CUL1: variants seen among roughly 807,000 people sequenced by gnomAD.
CUL1 encodes cullin-1.
In CUL1, 24 loss-of-function variants were observed where a neutral mutation model predicts 118.0. That is an observed-to-expected ratio of 0.20 (90% confidence interval 0.15 to 0.29). CUL1 has a LOEUF of 0.29. CUL1 is among the 10% of genes least tolerant of loss of function. The pLI is 1.00. For missense variants in CUL1, 361 were observed against 933.8 expected, an observed-to-expected ratio of 0.39 and a Z score of 7.99; for synonymous variants, 332 against 340.4, an observed-to-expected ratio of 0.98 and a Z score of 0.27.
chr7:148,748,581 A>C (rs903036540), intron 2 of CUL1, among the ~76,000 whole-genome samples: 2 of 152,224 alleles, frequency 1.3e-5, no homozygotes, highest in Non-Finnish European at 2.9e-5. Flanking sequence ...ATTTCACTAA[A>C]AATTTCTTGG....
intron 1 of CUL1, among the ~76,000 whole-genome samples, chr7:148,703,594 G>A (rs369757226): frequency 4.6e-5 from 7 of 151,940 alleles, no homozygotes; most frequent in East Asian, 1.9e-4. Flanking sequence ...GTGCAGTGGC[G>A]TGATCTCGGC....
intron 2 of CUL1, among the ~76,000 whole-genome samples, chr7:148,750,520 A>G (rs113102018): frequency 1.0e-3 from 158 of 152,088 alleles, no homozygotes; most frequent in African/African-American, 3.6e-3. Context: ...TCATTGTTCA[A>G]TTCCCACCTA....
intron 17 of CUL1, among the ~76,000 whole-genome samples, chr7:148,793,019 G>T (rs1349797964): frequency 6.6e-6 from 1 of 152,190 alleles, no homozygotes; most frequent in Non-Finnish European, 1.5e-5. Flanking sequence ...GTTGAGCCAG[G>T]CATGGTGGCA....
intron 9 of CUL1, among the ~76,000 whole-genome samples, chr7:148,769,296 T>C (rs546626015): frequency 1.3e-5 from 2 of 152,238 alleles, no homozygotes; most frequent in East Asian, 1.9e-4. Context: ...CACGTTCTTA[T>C]GAGTACACAT....
intron 1 of CUL1, among the ~76,000 whole-genome samples, chr7:148,709,636 A>G (rs548150234): frequency 9.8e-5 from 15 of 152,380 alleles, no homozygotes; most frequent in African/African-American, 3.4e-4. Context: ...TGTAAATTGT[A>G]TGAAATAAAA....
intron 13 of CUL1, 78 bp from the exon 14 acceptor site, chr7:148,788,479 C>G: frequency 1.1e-6 from 1 of 899,650 alleles, no homozygotes; most frequent in South Asian, 1.5e-5. Context: ...ATTGTATACT[C>G]TGATTTCTCT....
intron 2 of CUL1, among the ~76,000 whole-genome samples, chr7:148,735,699 A>C (rs889665878): frequency 3.3e-5 from 5 of 152,218 alleles, no homozygotes; most frequent in African/African-American, 1.2e-4. Flanking sequence ...CATGGCTTAC[A>C]TCAAATGAAC....
chr7:148,779,973 C>T (rs1800564898), intron 9 of CUL1, among the ~76,000 whole-genome samples: 1 of 152,226 alleles, frequency 6.6e-6, no homozygotes, highest in Non-Finnish European at 1.5e-5. Context: ...TTCTCCTATG[C>T]TGGATGCTTC....
intron 9 of CUL1, among the ~76,000 whole-genome samples, chr7:148,777,863 T>A (rs1800455592): frequency 6.6e-6 from 1 of 151,564 alleles, no homozygotes; most frequent in Non-Finnish European, 1.5e-5. Context: ...GTCAGGAGTT[T>A]GAGACCAGTC....
chr7:148,751,560 CTT>C (rs1313094425), intron 2 of CUL1, among the ~76,000 whole-genome samples: 7 of 146,164 alleles, frequency 4.8e-5, no homozygotes, highest in East Asian at 4.1e-4. Context: ...AAAAACCTCT[CTT>C]GTCACTTTGT....
intron 9 of CUL1, among the ~76,000 whole-genome samples, chr7:148,779,410 C>T (rs1044190142): frequency 2.0e-5 from 3 of 152,084 alleles, no homozygotes; most frequent in Non-Finnish European, 4.4e-5. Context: ...GCAGCCTCGG[C>T]CTATCTTGGA....
rs370755866 is a variant in CUL1 at position 148,783,963 on chromosome 7, T to C, written c.1192-8T>C. The C allele has an allele frequency of 6.2e-7, 1 of 1,614,090 alleles. No individual in the cohort carries two copies. Reference sequence around the variant, plus strand: ...CGTTTGTCTCTAACTATATTCCGTGTAACGCAGGCTTGTGGTCGCTTCATA... The same window carrying C: ...CGTTTGTCTCTAACTATATTCCGTGCAACGCAGGCTTGTGGTCGCTTCATA... On this transcript the variant is annotated splice_polypyrimidine_tract_variant and splice_region_variant and intron_variant, in intron 10 of 21. Transcript: ENST00000325222.
At chr7:148,719,619 G>A (rs1047523031) in intron 1 of CUL1, among the ~76,000 whole-genome samples, 3 of 152,176 alleles carry the variant, frequency 2.0e-5, no homozygotes, top group African/African-American at 7.2e-5. Flanking sequence ...TTTAGTTAAA[G>A]AATTTTCTTG....
At chr7:148,747,842 T>C (rs1157298109) in intron 2 of CUL1, among the ~76,000 whole-genome samples, 1 of 152,056 alleles carries the variant, frequency 6.6e-6, no homozygotes, top group Non-Finnish European at 1.5e-5. Flanking sequence ...TCAGGAAAAA[T>C]TAGAAAGTTT....
intron 7 of CUL1, among the ~76,000 whole-genome samples, chr7:148,765,312 A>G (rs564489500): frequency 6.6e-6 from 1 of 152,104 alleles, no homozygotes; most frequent in Non-Finnish European, 1.5e-5. Flanking sequence ...ATTTTTCCAG[A>G]TTTCTCCAAA....
Position 148,726,850 on chromosome 7 carries a change from ATT to A in CUL1, c.-161-3104_-161-3103del, listed in dbSNP as rs57464809. ...ATCTCTACCAAAAAAAAAAAAAAAA[ATT>A]TTTTTTTAAATTAGCCAGGCATGGT... On this transcript the variant is annotated intron_variant, in intron 1 of 21. Coordinates refer to ENST00000325222, the MANE Select transcript of CUL1 (RefSeq NM_003592.3). 5.6e-4 allele frequency among the ~76,000 whole-genome samples: 84 copies of A among 148,680 alleles called. 1 individual carries two copies. In the South Asian group the frequency reaches 6.3e-3, roughly 11 times the overall value.
intron 1 of CUL1, among the ~76,000 whole-genome samples, chr7:148,713,835 T>C (rs970647401): frequency 6.6e-6 from 1 of 152,204 alleles, no homozygotes; most frequent in African/African-American, 2.4e-5. Flanking sequence ...GTGATTCTCC[T>C]GCTTCAGCCT....
chr7:148,717,690 G>C (rs535157552), intron 1 of CUL1, among the ~76,000 whole-genome samples: 1 of 152,022 alleles, frequency 6.6e-6, no homozygotes, highest in South Asian at 2.1e-4. Context: ...ATCCTTCACC[G>C]GGCTCCTGTG....
Position 148,800,849 on chromosome 7 carries a change from T to G in CUL1, c.*267T>G. ...ACCCTCCGTGCCGAGGGCTGCATGC[T>G]ACCGCACTAAGTCAATACATGGGCT... On this transcript the variant is annotated 3_prime_UTR_variant, in exon 22 of 22. Transcript: ENST00000325222. This position sits in a 1 kb window ranked among gnomAD's most constrained non-coding sequence, Gnocchi z 4.6. 2.8e-6 allele frequency: 1 copy of G among 359,624 alleles called. No homozygotes were observed. Among genetic ancestry groups the G allele is most frequent in the Non-Finnish European group, 5.1e-6 (1 of 195,390 alleles). 22.3% of individuals were successfully genotyped at this position (359,624 alleles called of 1,614,324 possible).
Sources: gnomAD v4.1 joint callset for allele counts (sites outside exome capture counted in the v4.1 genomes callset) on GRCh38, gnomAD v4.1.1 for gene constraint, Gnocchi (gnomAD v3.1) non-coding constraint, MANE v1.5 for transcripts, NCBI Gene and HGNC (gene_info 2026-07-23, HGNC 2026-07-21) for gene names.